The following STPG2 variants were observed in gnomAD, a reference collection of about 807,000 sequenced individuals.
STPG2 encodes sperm tail PG-rich repeat containing 2, also known as sperm-tail PG-rich repeat-containing protein 2.
Under a neutral mutation model 54.2 loss-of-function variants are expected in STPG2, and 56 were observed. The ratio of observed to expected loss-of-function variants is 1.03; its 90% confidence interval spans 0.83 to 1.29. The LOEUF is 1.29. Among genes scored for constraint, STPG2 ranks in the 50% most tolerant of loss-of-function variants. The pLI is 0.00. For missense variants in STPG2, 596 were observed against 544.9 expected (o/e 1.09, Z -0.93); for synonymous variants, 200 against 181.8 (o/e 1.10, Z -0.81).
intron 1 of STPG2, among the ~76,000 whole-genome samples, chr4:98,139,873 A>G (rs1177169602): frequency 6.6e-6 from 1 of 152,170 alleles, no homozygotes; most frequent in Non-Finnish European, 1.5e-5. Flanking sequence ...TTTTAATTTT[A>G]TTTCAAGATT....
intron 5 of STPG2, among the ~76,000 whole-genome samples, chr4:98,035,431 A>G (rs1393208169): frequency 6.6e-6 from 1 of 152,200 alleles, no homozygotes; most frequent in African/African-American, 2.4e-5. Flanking sequence ...AAAGGCGATC[A>G]TTAAAAGTCA....
At chr4:97,909,554 C>G (rs531508215) in intron 8 of STPG2, among the ~76,000 whole-genome samples, 10 of 152,040 alleles carry the variant, frequency 6.6e-5, no homozygotes, top group Admixed American at 1.3e-4. Flanking sequence ...AAACAAAAGT[C>G]CTAAATAAAA....
At chr4:98,046,116 A>T (rs1383572417) in intron 5 of STPG2, among the ~76,000 whole-genome samples, 12 of 60,180 alleles carry the variant, frequency 2.0e-4, no homozygotes, top group East Asian at 7.3e-4. Flanking sequence ...TTCACTGATC[A>T]TTTCTTCTGT....
rs144115213 is a variant in STPG2, at chr4:98,117,888, T to C, written c.388-8583A>G. Among the ~76,000 whole-genome samples the C allele has an allele frequency of 3.0e-3, 455 of 152,260 alleles. 3 individuals carry two copies. The highest frequency in any genetic ancestry group is 0.011 in the African/African-American group (438 of 41,580). On this transcript the variant is annotated intron_variant, in intron 3 of 10. Transcript: ENST00000295268. ...TTTATTTCTTTGAACATATTTAAAATAGCTAATTTAAAAATTTTATCTAAG... is the reference window on the plus strand; with the variant it reads ...TTTATTTCTTTGAACATATTTAAAACAGCTAATTTAAAAATTTTATCTAAG...
At chr4:98,132,948 T>TAAAAA (rs200375140) in intron 2 of STPG2, among the ~76,000 whole-genome samples, 72 of 101,198 alleles carry the variant, frequency 7.1e-4, no homozygotes, top group Non-Finnish European at 8.4e-4. Flanking sequence ...TGAAATGAAC[T>TAAAAA]AAAAAAAAAA....
intron 10 of STPG2, among the ~76,000 whole-genome samples, chr4:97,668,813 T>C (rs182127764): frequency 1.1e-3 from 165 of 152,264 alleles, no homozygotes; most frequent in African/African-American, 3.8e-3. Flanking sequence ...CAGCGGGTCA[T>C]TCCGAAGCTG....
At chr4:97,739,010 T>A (rs565687754) in intron 9 of STPG2, among the ~76,000 whole-genome samples, 2 of 151,794 alleles carry the variant, frequency 1.3e-5, no homozygotes, top group African/African-American at 4.8e-5. Flanking sequence ...TATAGCAAAC[T>A]ATCTCTCAGA....
intron 10 of STPG2, among the ~76,000 whole-genome samples, chr4:97,705,321 CT>C (rs76957908): frequency 0.46 from 67,672 of 146,324 alleles, 16,650 homozygotes; most frequent in South Asian, 0.62. Flanking sequence ...CTTTGTCTAA[CT>C]TAGAAATTCT....
intron 9 of STPG2, among the ~76,000 whole-genome samples, chr4:97,752,602 G>A (rs201489982): frequency 2.0e-5 from 3 of 151,850 alleles, no homozygotes; most frequent in East Asian, 3.9e-4. Context: ...AGTATTCAAG[G>A]TCTTTTTACA....
At chr4:97,930,174 G>A (rs1465104287) in intron 8 of STPG2, among the ~76,000 whole-genome samples, 1 of 152,152 alleles carries the variant, frequency 6.6e-6, no homozygotes, top group African/African-American at 2.4e-5. Context: ...TGGGATTACA[G>A]GCATGAGCCA....
At chr4:97,775,920 C>T (rs941184294) in intron 9 of STPG2, among the ~76,000 whole-genome samples, 12 of 152,064 alleles carry the variant, frequency 7.9e-5, no homozygotes, top group Admixed American at 4.6e-4. Flanking sequence ...CACCACCATG[C>T]CTAGCTAATT....
rs573461693 is a variant in STPG2, at chr4:98,034,131, G to T, written c.613-52813C>A. 5.3e-5 allele frequency among the ~76,000 whole-genome samples: 8 copies of T among 152,198 alleles called. No individual in the cohort carries two copies. In the South Asian group the frequency reaches 1.7e-3, roughly 32 times the overall value. On this transcript the variant is annotated intron_variant, in intron 5 of 10. Transcript: ENST00000295268. The stretch of plus-strand genomic sequence containing the variant: ...ATTTGGCAAGAGAAAAAAATAAACG[G>T]TATTCAATTAGGAAAAGAGGAACTC...
intron 5 of STPG2, among the ~76,000 whole-genome samples, chr4:98,014,153 G>A (rs1735849342): frequency 6.6e-6 from 1 of 152,100 alleles, no homozygotes; most frequent in Non-Finnish European, 1.5e-5. Context: ...GTGTCCCAGA[G>A]ATTCTGGTAC....
intron 7 of STPG2, among the ~76,000 whole-genome samples, chr4:97,960,157 A>G (rs1560610611): frequency 1.3e-5 from 2 of 152,138 alleles, no homozygotes; most frequent in South Asian, 4.1e-4. Context: ...TCACTTTATG[A>G]TTAAAATTCT....
intron 10 of STPG2, among the ~76,000 whole-genome samples, chr4:97,622,303 AAG>A (rs1347126491): frequency 2.0e-5 from 3 of 152,150 alleles, no homozygotes; most frequent in African/African-American, 7.2e-5. Flanking sequence ...AAAGAAATAA[AAG>A]GCATCCAAAT....
chr4:97,923,313 C>A, intron 8 of STPG2, among the ~76,000 whole-genome samples: 1 of 147,280 alleles, frequency 6.8e-6, no homozygotes, highest in South Asian at 2.2e-4. Flanking sequence ...CCCCCCCCGC[C>A]ATGGGCTCCT....
chr4:97,558,510 A>G (rs1365799596), downstream of STPG2, among the ~76,000 whole-genome samples: 1 of 152,142 alleles, frequency 6.6e-6, no homozygotes, highest in African/African-American at 2.4e-5. Flanking sequence ...ACTTCCCCTG[A>G]AGGAAGCCAG....
At chr4:98,111,803 G>A (rs890234326) in intron 3 of STPG2, among the ~76,000 whole-genome samples, 1 of 152,002 alleles carries the variant, frequency 6.6e-6, no homozygotes, top group African/African-American at 2.4e-5. Flanking sequence ...ATCAGCTGAG[G>A]GCCCAGATAG....
intron 8 of STPG2, among the ~76,000 whole-genome samples, chr4:97,910,148 C>A (rs1731622305): frequency 6.6e-6 from 1 of 152,180 alleles, no homozygotes; most frequent in East Asian, 1.9e-4. Context: ...GTCCTGTTGA[C>A]TCCCTAGGTA....
Sources: allele counts gnomAD v4.1 joint callset (sites outside exome capture counted in the v4.1 genomes callset), GRCh38; gene constraint gnomAD v4.1.1; transcripts MANE v1.5; gene names NCBI Gene and HGNC (gene_info 2026-07-23, HGNC 2026-07-21).